Variants in DEPDC1 observed in about 807,000 individuals in gnomAD.
DEPDC1 encodes the protein DEP domain containing 1.
A neutral mutation model predicts 86.8 loss-of-function variants in DEPDC1; 66 were observed. The ratio of observed to expected loss-of-function variants is 0.76; its 90% CI spans 0.62 to 0.93. DEPDC1 has a LOEUF of 0.93. Among genes scored for constraint, DEPDC1 ranks in the 40% least tolerant of loss-of-function variants. The probability of loss-of-function intolerance (pLI) is 0.00; values close to 1 mark genes in which losing one functional copy is unlikely to be tolerated. For missense variants in DEPDC1, 792 were observed against 935.7 expected (o/e 0.85, Z 2.00); for synonymous variants, 255 against 314.9 (o/e 0.81, Z 2.02).
chr1:68,494,739 T>G, intron 1 of DEPDC1, 44 bp from the exon 2 acceptor site: 2 of 1,483,276 alleles, frequency 1.3e-6, no homozygotes, highest in Non-Finnish European at 1.8e-6. Flanking sequence ...GAAGAAAAAT[T>G]AAATCTCATA....
chr1:68,484,693 G>C (rs1646180195), intron 6 of DEPDC1, among the ~76,000 whole-genome samples: 1 of 151,896 alleles, frequency 6.6e-6, no homozygotes, highest in African/African-American at 2.4e-5. Flanking sequence ...TTAGAAGTTA[G>C]AGCAGTGTAA....
At chr1:68,478,112 G>C in intron 10 of DEPDC1, 140 bp from the exon 11 acceptor site, 1 of 502,468 alleles carries the variant, frequency 2.0e-6, no homozygotes. Flanking sequence ...GTATTATGCA[G>C]TAGAGGTATG....
intron 10 of DEPDC1, among the ~76,000 whole-genome samples, chr1:68,478,257 A>G (rs1332410046): frequency 1.3e-5 from 2 of 152,002 alleles, no homozygotes; most frequent in Non-Finnish European, 2.9e-5. Context: ...GAAAGGGCTC[A>G]GCCCACAATA....
chr1:68,493,889 G>C lies in DEPDC1; in HGVS notation c.314+541C>G, dbSNP rs1269326316. On this transcript the variant is annotated intron_variant, in intron 2 of 11. Coordinates refer to ENST00000456315, the MANE Select transcript of DEPDC1 (RefSeq NM_001114120.3). ...ATTTTTTGTATTTTTAGTAGAGACG[G>C]GGTTTCACCATGTTAGCCAGGCTGG... 2.6e-5 allele frequency among the ~76,000 whole-genome samples: 4 copies of C among 152,186 alleles called. No individual in the cohort carries two copies. The East Asian group carries it at 7.7e-4, about 29-fold the overall frequency.
chr1:68,490,272 C>G (rs1403680389), intron 2 of DEPDC1, among the ~76,000 whole-genome samples: 1 of 152,144 alleles, frequency 6.6e-6, no homozygotes, highest in Admixed American at 6.6e-5. Flanking sequence ...CCTCCTCACA[C>G]CTTCCATTGT....
chr1:68,481,341 T>C (rs1305376962), intron 9 of DEPDC1, 99 bp downstream of exon 9: 2 of 1,093,686 alleles, frequency 1.8e-6, no homozygotes, highest in Admixed American at 2.5e-5. Context: ...TCTAGCACTT[T>C]AAGACTAAGA....
chr1:68,486,980 G>T lies in DEPDC1; in HGVS notation c.726C>A (p.Asp242Glu), dbSNP rs765276263. The T allele has an allele frequency of 1.3e-5, 21 of 1,597,422 alleles. No homozygotes were observed. The African/African-American group carries it at 2.7e-4, about 21-fold the overall frequency. Residue 242 changes from aspartate (D) to glutamate (E), a missense_variant, in exon 6 of 12, where the codon GAC becomes GAA. Transcript: ENST00000456315. The stretch of plus-strand genomic sequence containing the variant: ...TGGCAGATAATACCCAGTGAGGGAG[G>T]TCATCTACACAAAAAGAAAAATATT... ...GVVILQNKSD[D>E]LPHWVLSAMK...
chr1:68,485,929 G>A (rs1646189597), intron 6 of DEPDC1, among the ~76,000 whole-genome samples: 2 of 151,946 alleles, frequency 1.3e-5, no homozygotes, highest in South Asian at 4.1e-4. Flanking sequence ...AATTATACTT[G>A]TAACTATTAA....
At chr1:68,491,720 A>G (rs1471985718) in intron 2 of DEPDC1, among the ~76,000 whole-genome samples, 4 of 152,140 alleles carry the variant, frequency 2.6e-5, no homozygotes, top group Admixed American at 1.3e-4. Context: ...AAATGTATAT[A>G]AACAATATGT....
intron 9 of DEPDC1, 102 bp from the exon 10 acceptor site, chr1:68,479,422 G>A (rs942201861): frequency 1.2e-6 from 1 of 825,730 alleles, no homozygotes; most frequent in African/African-American, 1.8e-5. Flanking sequence ...TTGGGAAAAA[G>A]TGGTAAGCAG....
In DEPDC1 at chr1:68,477,007, T is replaced by A. The variant is rs763912769; in HGVS notation, c.2361A>T (p.Ala787=). The A allele has an allele frequency of 1.9e-6, 3 of 1,607,904 alleles. No homozygotes were observed. The highest frequency in any genetic ancestry group is 2.5e-6 in the Non-Finnish European group (3 of 1,177,174). ...KRFPTTESEA[A]LFGDKPTIKQ... ...TGATTGTAGGTTTGTCACCAAAAAG[T>A]GCTGCTTCACTCTCCGTGGTTGGAA... Residue 787 remains alanine (A), a synonymous_variant, in exon 12 of 12, where the codon GCA becomes GCT. Transcript: ENST00000456315.
rs1254472774 is a variant in DEPDC1 at position 68,481,448 on chromosome 1, T to C, written c.1927A>G (p.Arg643Gly). The stretch of plus-strand genomic sequence containing the variant: ...ATAAGAAATCAACTTACCAGTGACC[T>C]CGTACCCATTGCATCATGAAGTTTG... ...MPKLHDAMGT[R>G]SLMIHTFSRC... is the part of the protein sequence containing the mutation. The change falls in exon 9 of 12, where the codon AGG (arginine) becomes GGG (glycine). Residue 643 changes from arginine (R) to glycine (G), a missense_variant. Coordinates refer to ENST00000456315, the MANE Select transcript of DEPDC1 (RefSeq NM_001114120.3). 1 of 1,611,824 alleles carries C rather than the reference T, an allele frequency of 6.2e-7. No homozygotes were observed. The highest frequency in any genetic ancestry group is 1.1e-5 in the South Asian group (1 of 90,938).
chr1:68,489,028 C>A lies in DEPDC1; in HGVS notation c.478G>T (p.Gly160Cys), dbSNP rs768395993. 1.8e-5 allele frequency: 29 copies of A among 1,592,124 alleles called. No individual in the cohort carries two copies. In the African/African-American group the frequency reaches 3.5e-4, roughly 19 times the overall value. The change falls in exon 4 of 12, where the codon GGC becomes TGC. Residue 160 changes from glycine (G) to cysteine (C), a missense_variant. Gly to Cys is a radical substitution (Grantham distance 159). Coordinates refer to ENST00000456315, the MANE Select transcript of DEPDC1 (RefSeq NM_001114120.3). ...ATTATTTCATGCTTTATTTTCTCGC[C>A]ATTTTCCTGAAAAAAGGATTATTTT... ...RHGLHLSQEN[G>C]EKIKHEIINE...
intron 7 of DEPDC1, 21 bp from the exon 8 acceptor site, chr1:68,482,918 A>G: frequency 6.5e-7 from 1 of 1,539,738 alleles, no homozygotes; most frequent in Non-Finnish European, 8.7e-7. Flanking sequence ...ATGAAACAAA[A>G]ATTAAGATGC....
rs1365677564 is a variant in DEPDC1, at chr1:68,482,453, T to C, written c.1355A>G (p.Asn452Ser). The change falls in exon 8 of 12, where the codon AAT (asparagine) becomes AGT (serine). Residue 452 changes from asparagine (N) to serine (S), a missense_variant. Transcript: ENST00000456315. ...CTTAGACTCTAAAAACAGTTTATTATTTTGTCCTTCTATGTTCGGAAAAGA... is the reference window on the plus strand; with the variant it reads ...CTTAGACTCTAAAAACAGTTTATTACTTTGTCCTTCTATGTTCGGAAAAGA... ...HQSFPNIEGQ[N>S]NKLFLESKPK... 2.5e-6 allele frequency: 4 copies of C among 1,612,868 alleles called. No individual in the cohort carries two copies.
At chr1:68,492,490 T>C (rs953191315) in intron 2 of DEPDC1, among the ~76,000 whole-genome samples, 1 of 152,022 alleles carries the variant, frequency 6.6e-6, no homozygotes, top group Non-Finnish European at 1.5e-5. Flanking sequence ...GTGGATCCCT[T>C]GAGCTCAGGA....
intron 10 of DEPDC1, among the ~76,000 whole-genome samples, chr1:68,478,872 A>G (rs1226080947): frequency 6.6e-6 from 1 of 151,990 alleles, no homozygotes; most frequent in Non-Finnish European, 1.5e-5. Context: ...TTGAATTGCA[A>G]ATGTAAGGCT....
Position 68,481,602 on chromosome 1 carries a change from T to G in DEPDC1, c.1773A>C (p.Gln591His). 1 of 1,588,644 alleles carries G rather than the reference T, an allele frequency of 6.3e-7. No homozygotes were observed. The highest frequency in any genetic ancestry group is 8.6e-7 in the Non-Finnish European group (1 of 1,168,346). ...CGATGGCAACCCTCTCTAAATGAGG[T>G]TGCAGCAAGCCTAGAATACAAAAAT... ...SMLTGTQSLL[Q>H]PHLERVAIDA... is the part of the protein sequence containing the mutation. Residue 591 changes from glutamine to histidine, a missense_variant, in exon 9 of 12, where the codon CAA becomes CAC. Physicochemically the swap from Gln to His is conservative, Grantham distance 24 (BLOSUM62 0). Transcript: ENST00000456315.
At chr1:68,477,356 A>T (rs1471224789) in intron 11 of DEPDC1, among the ~76,000 whole-genome samples, 2 of 151,618 alleles carry the variant, frequency 1.3e-5, no homozygotes, top group Admixed American at 6.6e-5. Flanking sequence ...GGGCATAGGC[A>T]TCTAGTATTC....
Sources: gnomAD v4.1 joint callset for allele counts (sites outside exome capture counted in the v4.1 genomes callset) on GRCh38, gnomAD v4.1.1 for gene constraint, MANE v1.5 for transcripts, NCBI Gene and HGNC (gene_info 2026-07-23, HGNC 2026-07-21) for gene names.